FILIP1: variants seen among roughly 807,000 people sequenced by gnomAD.
FILIP1 encodes the protein filamin A interacting protein 1, also known as filamin-A-interacting protein 1.
Under a neutral mutation model 102.1 loss-of-function variants are expected in FILIP1, and 61 were observed. The ratio of observed to expected loss-of-function variants is 0.60; its 90% CI spans 0.49 to 0.74. The LOEUF is 0.74. FILIP1 is among the 30% of genes least tolerant of loss of function. The pLI is 0.00. For missense variants in FILIP1, 1,314 were observed against 1,441.2 expected, an observed-to-expected ratio of 0.91 and a Z score of 1.43; for synonymous variants, 491 against 526.9, an observed-to-expected ratio of 0.93 and a Z score of 0.93.
At chr6:75,460,177 G>A (rs185693895) in intron 1 of FILIP1, among the ~76,000 whole-genome samples, 2 of 152,260 alleles carry the variant, frequency 1.3e-5, no homozygotes, top group East Asian at 3.9e-4. Context: ...ATTTAGTGCG[G>A]TCTCCACAAC....
intron 2 of FILIP1, among the ~76,000 whole-genome samples, chr6:75,372,673 GA>G (rs1167124626): frequency 3.5e-5 from 2 of 56,958 alleles, no homozygotes; most frequent in Non-Finnish European, 6.7e-5. Context: ...AAGAAAGAAA[GA>G]AAGAAAGAAA....
intron 1 of FILIP1, among the ~76,000 whole-genome samples, chr6:75,450,863 G>A (rs1778607850): frequency 6.6e-6 from 1 of 152,058 alleles, no homozygotes; most frequent in Non-Finnish European, 1.5e-5. Flanking sequence ...GCTGAGGCAG[G>A]AGAATCGCTT....
chr6:75,408,967 A>G (rs554006461), intron 2 of FILIP1, among the ~76,000 whole-genome samples: 17 of 152,226 alleles, frequency 1.1e-4, no homozygotes, highest in South Asian at 4.1e-4. Flanking sequence ...CATTTTACTC[A>G]TCATCTAGAT....
rs559755686 is a variant in FILIP1, at chr6:75,417,022, A to C, written c.-6-2044T>G. 6.6e-5 allele frequency among the ~76,000 whole-genome samples: 10 copies of C among 152,200 alleles called. No homozygotes were observed. The East Asian group carries it at 1.7e-3, about 26-fold the overall frequency. ...ATTCTGAAATTAATATTTTAAAATA[A>C]AGTTTATTATAGTATTATATTAATG... On this transcript the variant is annotated intron_variant, in intron 1 of 5. Transcript: ENST00000237172.
At chr6:75,367,673 TAGTC>T (rs912949087) in intron 2 of FILIP1, 3 of 152,006 alleles carry the variant, frequency 2.0e-5, no homozygotes, top group Admixed American at 6.5e-5. Flanking sequence ...AATAATAAAA[TAGTC>T]AATCAATAAT....
intron 4 of FILIP1, among the ~76,000 whole-genome samples, chr6:75,327,528 G>T (rs532429917): frequency 3.4e-4 from 51 of 148,762 alleles, no homozygotes; most frequent in East Asian, 9.8e-4. Context: ...AGATTTTTTT[G>T]TGTGTGAATA....
At chr6:75,327,298 C>A (rs890499646) in intron 4 of FILIP1, among the ~76,000 whole-genome samples, 7 of 152,256 alleles carry the variant, frequency 4.6e-5, no homozygotes, top group East Asian at 1.9e-4. Flanking sequence ...CCATTGCTAT[C>A]CCCCTGGCCC....
downstream of FILIP1, among the ~76,000 whole-genome samples, chr6:75,305,920 C>T (rs866470783): frequency 6.6e-6 from 1 of 151,322 alleles, no homozygotes; most frequent in Non-Finnish European, 1.5e-5. Context: ...TATTTTACTA[C>T]GCAGTACGTT....
intron 6 of FILIP1, chr6:75,295,973 G>A (rs1403425687): frequency 1.4e-6 from 2 of 1,411,722 alleles, no homozygotes; most frequent in East Asian, 2.9e-5. Flanking sequence ...AAAAGACATG[G>A]CATTTTCAAT....
At chr6:75,429,162 AAAG>A (rs1416726738) in intron 1 of FILIP1, among the ~76,000 whole-genome samples, 22 of 152,120 alleles carry the variant, frequency 1.4e-4, no homozygotes, top group African/African-American at 4.8e-4. Context: ...ATTTAGAAAA[AAAG>A]AAGAATTTTT....
At chr6:75,399,649 G>A (rs1435061853) in intron 2 of FILIP1, among the ~76,000 whole-genome samples, 6 of 152,154 alleles carry the variant, frequency 3.9e-5, no homozygotes, top group Non-Finnish European at 1.5e-5. Flanking sequence ...CTTACAAGGA[G>A]GTGCCCTTAA....
At chr6:75,389,254 T>C (rs1776203966) in intron 2 of FILIP1, among the ~76,000 whole-genome samples, 1 of 152,244 alleles carries the variant, frequency 6.6e-6, no homozygotes, top group Non-Finnish European at 1.5e-5. Flanking sequence ...CATTTTGATG[T>C]GCTACTGGAT....
At chr6:75,338,100 T>C (rs1258560933) in intron 4 of FILIP1, among the ~76,000 whole-genome samples, 1 of 152,114 alleles carries the variant, frequency 6.6e-6, no homozygotes, top group Non-Finnish European at 1.5e-5. Context: ...AAGAATAAAA[T>C]AAATAAAAGG....
intron 4 of FILIP1, among the ~76,000 whole-genome samples, chr6:75,326,148 T>A (rs1363054478): frequency 6.6e-6 from 1 of 150,476 alleles, no homozygotes; most frequent in Non-Finnish European, 1.5e-5. Flanking sequence ...CACACACACA[T>A]CATGAAATAC....
rs137944874 is a variant in FILIP1 at position 75,410,840 on chromosome 6, G to C, written c.276+3857C>G. ...GGTTCCAAGTTTGCTATTTTTGTTG[G>C]TTCCATTTTTTGCTATTGTGAATAG... is the stretch of plus-strand genomic sequence containing the variant. On this transcript the variant is annotated intron_variant, in intron 2 of 5. Coordinates refer to ENST00000237172, the MANE Select transcript of FILIP1 (RefSeq NM_015687.5). Among the ~76,000 whole-genome samples the C allele has an allele frequency of 1.9e-4, 29 of 152,148 alleles. No homozygotes were observed. In the East Asian group the frequency reaches 5.0e-3, roughly 26 times the overall value.
intron 4 of FILIP1, among the ~76,000 whole-genome samples, chr6:75,336,507 GAA>G (rs529331422): frequency 6.9e-6 from 1 of 145,436 alleles, no homozygotes; most frequent in African/African-American, 2.5e-5. Flanking sequence ...AAACCCATGT[GAA>G]AAAAAAAAGG....
intron 2 of FILIP1, among the ~76,000 whole-genome samples, chr6:75,369,188 C>T (rs549544767): frequency 6.6e-6 from 1 of 152,304 alleles, no homozygotes; most frequent in African/African-American, 2.4e-5. Context: ...ATGGTCATTT[C>T]CAGCCAGCAG....
intron 1 of FILIP1, among the ~76,000 whole-genome samples, chr6:75,453,749 T>C (rs1237006253): frequency 1.3e-5 from 2 of 152,030 alleles, no homozygotes; most frequent in Non-Finnish European, 2.9e-5. Context: ...GGGTTCAAGG[T>C]CACTGTGAAC....
At chr6:75,345,133 A>C (rs1420885602) in intron 4 of FILIP1, among the ~76,000 whole-genome samples, 2 of 152,162 alleles carry the variant, frequency 1.3e-5, no homozygotes, top group African/African-American at 4.8e-5. Flanking sequence ...GCATTCCTAC[A>C]TAGCTTGTTG....
Sources: gnomAD v4.1 joint callset for allele counts (sites outside exome capture counted in the v4.1 genomes callset) on GRCh38, gnomAD v4.1.1 for gene constraint, MANE v1.5 for transcripts, NCBI Gene and HGNC (gene_info 2026-07-23, HGNC 2026-07-21) for gene names.